The following CPED1 variants were observed in gnomAD, a reference collection of about 807,000 sequenced individuals.
The protein encoded by CPED1 is cadherin like and PC-esterase domain containing 1, also known as cadherin-like and PC-esterase domain-containing protein 1.
Under a neutral mutation model 128.2 loss-of-function variants are expected in CPED1, and 114 were observed. The observed-to-expected ratio is 0.89, with a 90% CI of 0.76 to 1.04. The LOEUF (loss-of-function observed/expected upper bound fraction) is 1.04, where lower values mean the gene tolerates loss of function less well. CPED1 is among the 50% of genes least tolerant of loss of function. The pLI, the probability that CPED1 is intolerant of heterozygous loss-of-function variation, is 0.00. For synonymous variants in CPED1, 462 were observed against 426.7 expected (o/e 1.08, Z -1.02); for missense variants, 1,211 against 1,207.1 (o/e 1.00, Z -0.05).
In CPED1 at chr7:121,166,241, C is replaced by G. The variant is rs1178407035; in HGVS notation, c.2055+24100C>G. ...ATTTGAATCTATGTGCTAGCTTTAT[C>G]GCTTATTACCACAATGACACTGAGC... On this transcript the variant is annotated intron_variant, in intron 16 of 22. Coordinates refer to ENST00000310396, the MANE Select transcript of CPED1 (RefSeq NM_024913.5). 2.0e-5 allele frequency among the ~76,000 whole-genome samples: 3 copies of G among 152,078 alleles called. No individual in the cohort carries two copies. In the East Asian group the frequency reaches 5.8e-4, roughly 29 times the overall value.
At chr7:121,163,585 C>G (rs929927147) in intron 16 of CPED1, among the ~76,000 whole-genome samples, 2 of 152,164 alleles carry the variant, frequency 1.3e-5, no homozygotes, top group East Asian at 1.9e-4. Flanking sequence ...TCATTTGTTC[C>G]AAATTTGAAA....
At chr7:121,050,450 G>A (rs1388810461) in intron 4 of CPED1, 1 of 157,732 alleles carries the variant, frequency 6.3e-6, no homozygotes, top group Non-Finnish European at 1.3e-5. Context: ...GTATTTTGGG[G>A]GCAATATAGG....
At chr7:121,158,478 C>G (rs907547651) in intron 16 of CPED1, among the ~76,000 whole-genome samples, 1 of 152,136 alleles carries the variant, frequency 6.6e-6, no homozygotes, top group African/African-American at 2.4e-5. Context: ...TTCCTTTGAA[C>G]CTTGCTTCCT....
rs376122022 is a variant in CPED1, at chr7:121,295,428, C to T, written c.2869-12C>T. The stretch of plus-strand genomic sequence containing the variant: ...GATTTTGCCTCACAGTTTTCTTGCT[C>T]TTCATTTACAGGTAGTGAAATCAAA... On this transcript the variant is annotated splice_polypyrimidine_tract_variant and intron_variant, in intron 22 of 22. Transcript: ENST00000310396. 127 of 1,603,706 alleles carry T rather than the reference C, an allele frequency of 7.9e-5. No homozygotes were observed. Among genetic ancestry groups the T allele is most frequent in the South Asian group, 1.4e-4 (13 of 89,750 alleles).
At chr7:121,047,710 T>TCCTCCTCC (rs1793247257) in intron 4 of CPED1, among the ~76,000 whole-genome samples, 1 of 57,196 alleles carries the variant, frequency 1.7e-5, no homozygotes, top group African/African-American at 7.3e-5. Context: ...CTTCTTCTTC[T>TCCTCCTCC]TCTTCTTTTT....
intron 2 of CPED1, among the ~76,000 whole-genome samples, chr7:121,006,498 G>A (rs1792019409): frequency 6.6e-6 from 1 of 151,966 alleles, no homozygotes; most frequent in Non-Finnish European, 1.5e-5. Flanking sequence ...GACAGGGATA[G>A]GGGAAGAGTC....
intron 16 of CPED1, among the ~76,000 whole-genome samples, chr7:121,211,452 G>A (rs1224009239): frequency 2.8e-5 from 4 of 140,502 alleles, no homozygotes; most frequent in East Asian, 2.1e-4. Flanking sequence ...CATAGTATCC[G>A]ATCTGGGCAG....
At chr7:121,273,625 C>T (rs987589826) in intron 22 of CPED1, among the ~76,000 whole-genome samples, 2 of 152,034 alleles carry the variant, frequency 1.3e-5, no homozygotes, top group Admixed American at 1.3e-4. Context: ...GGTGGATTTA[C>T]ATTATCCTTT....
Position 121,263,457 on chromosome 7 carries a change from T to C in CPED1, c.2311-2770T>C, listed in dbSNP as rs1281968754. 2.6e-5 allele frequency among the ~76,000 whole-genome samples: 4 copies of C among 152,220 alleles called. No individual in the cohort carries two copies. The East Asian group carries it at 5.8e-4, about 22-fold the overall frequency. On this transcript the variant is annotated intron_variant, in intron 18 of 22. Coordinates refer to ENST00000310396, the MANE Select transcript of CPED1 (RefSeq NM_024913.5). The stretch of plus-strand genomic sequence containing the variant: ...TTTTGTGCCAAGAATATGAAAAGTA[T>C]TTAAAATCACATTTAAGTCCTCCTA...
chr7:121,100,492 A>C (rs1794822792), intron 7 of CPED1, among the ~76,000 whole-genome samples: 1 of 152,216 alleles, frequency 6.6e-6, no homozygotes. Flanking sequence ...GCATAATGCT[A>C]GTTCATCACA....
intron 16 of CPED1, among the ~76,000 whole-genome samples, chr7:121,193,787 A>T (rs1797200653): frequency 6.6e-6 from 1 of 151,954 alleles, no homozygotes; most frequent in Admixed American, 6.6e-5. Flanking sequence ...GTTAAGATTT[A>T]ATCCTATTTC....
At chr7:121,086,822 C>A (rs1248557664) in intron 5 of CPED1, among the ~76,000 whole-genome samples, 1 of 152,200 alleles carries the variant, frequency 6.6e-6, no homozygotes, top group Non-Finnish European at 1.5e-5. Flanking sequence ...CACTCCAGAT[C>A]CATGAAATTG....
intron 22 of CPED1, among the ~76,000 whole-genome samples, chr7:121,291,965 G>T (rs1482487768): frequency 2.0e-5 from 3 of 152,002 alleles, no homozygotes; most frequent in African/African-American, 7.2e-5. Context: ...ATTATTTTCA[G>T]ATACATTCCA....
At chr7:121,291,227 C>A (rs1269849870) in intron 22 of CPED1, among the ~76,000 whole-genome samples, 1 of 152,148 alleles carries the variant, frequency 6.6e-6, no homozygotes, top group Non-Finnish European at 1.5e-5. Context: ...GGTTTGGAGT[C>A]AGGTAGTGTG....
At chr7:120,993,898 C>T (rs1562984537) in intron 2 of CPED1, 1 of 265,742 alleles carries the variant, frequency 3.8e-6, no homozygotes, top group South Asian at 3.1e-5. Context: ...ATGGTATTTG[C>T]AGGTTGAGTT....
chr7:121,109,945 G>A (rs1795066106), intron 7 of CPED1, among the ~76,000 whole-genome samples: 1 of 152,110 alleles, frequency 6.6e-6, no homozygotes, highest in African/African-American at 2.4e-5. Flanking sequence ...TGAGTAATAA[G>A]CAAATATCCA....
chr7:121,072,979 T>C (rs138190212), intron 5 of CPED1, among the ~76,000 whole-genome samples: 262 of 152,242 alleles, frequency 1.7e-3, no homozygotes, highest in African/African-American at 5.9e-3. Flanking sequence ...TGTAGCAGTG[T>C]CACAATGTGG....
chr7:121,026,218 G>C (rs1792577775), intron 3 of CPED1, among the ~76,000 whole-genome samples: 1 of 152,148 alleles, frequency 6.6e-6, no homozygotes, highest in Admixed American at 6.6e-5. Context: ...CAGAGGACTT[G>C]CTTACTTAGG....
At chr7:121,170,714 A>G (rs913508026) in intron 16 of CPED1, among the ~76,000 whole-genome samples, 2 of 152,142 alleles carry the variant, frequency 1.3e-5, no homozygotes, top group African/African-American at 4.8e-5. Flanking sequence ...AATGATGGAG[A>G]AGATCAAAGT....
Sources: allele counts gnomAD v4.1 joint callset (sites outside exome capture counted in the v4.1 genomes callset), GRCh38; gene constraint gnomAD v4.1.1; transcripts MANE v1.5; gene names NCBI Gene and HGNC (gene_info 2026-07-23, HGNC 2026-07-21).